FYN: variants seen among roughly 807,000 people sequenced by gnomAD.
FYN encodes the protein tyrosine-protein kinase Fyn.
A neutral mutation model predicts 70.2 loss-of-function variants in FYN; 10 were observed. That is an observed-to-expected ratio of 0.14 (90% CI 0.09 to 0.24). FYN has a LOEUF of 0.24. Ranked by LOEUF, FYN falls within the 10% of genes least tolerant of loss-of-function variation. The probability of loss-of-function intolerance (pLI) is 1.00; values close to 1 mark genes in which losing one functional copy is unlikely to be tolerated. For missense variants in FYN, 319 were observed against 673.1 expected (o/e 0.47, Z 5.82); for synonymous variants, 236 against 248.6 (o/e 0.95, Z 0.48).
chr6:111,869,068 CA>C (rs554308714), intron 1 of FYN, among the ~76,000 whole-genome samples: 1 of 151,674 alleles, frequency 6.6e-6, no homozygotes, highest in Admixed American at 6.6e-5. Context: ...GTATTCATGG[CA>C]AAAAAAAGTG....
At chr6:111,705,013 G>A (rs1044916392) in intron 6 of FYN, among the ~76,000 whole-genome samples, 5 of 152,126 alleles carry the variant, frequency 3.3e-5, no homozygotes, top group Admixed American at 1.3e-4. Context: ...AGTGAGCCAG[G>A]ATTGCGCCAC....
intron 1 of FYN, among the ~76,000 whole-genome samples, chr6:111,847,595 T>C (rs1281249064): frequency 1.3e-5 from 2 of 152,140 alleles, no homozygotes; most frequent in Admixed American, 1.3e-4. Context: ...TCTTAGTATC[T>C]TTCTTCCTGA....
intron 1 of FYN, chr6:111,858,492 T>C (rs1036195151): frequency 6.6e-6 from 1 of 152,162 alleles, no homozygotes; most frequent in African/African-American, 2.4e-5. Context: ...TAATGTACAA[T>C]ATATGCCAGG....
intron 1 of FYN, among the ~76,000 whole-genome samples, chr6:111,856,010 C>T (rs772558029): frequency 9.2e-5 from 14 of 152,092 alleles, no homozygotes; most frequent in African/African-American, 3.1e-4. Context: ...ATTTATATTC[C>T]GTACCAGAAT....
At chr6:111,834,453 T>G (rs1773115936) in intron 2 of FYN, among the ~76,000 whole-genome samples, 1 of 152,158 alleles carries the variant, frequency 6.6e-6, no homozygotes, top group Admixed American at 6.5e-5. Context: ...GCCTTGGGCT[T>G]GGACTCGTCT....
At chr6:111,745,241 G>A (rs112077941) in intron 3 of FYN, among the ~76,000 whole-genome samples, 151 of 152,304 alleles carry the variant, frequency 9.9e-4, no homozygotes, top group African/African-American at 3.4e-3. Flanking sequence ...CTCTTTCACT[G>A]AAGGGTGTCC....
chr6:111,670,897 TTTTAC>T (rs1798235037), intron 13 of FYN, among the ~76,000 whole-genome samples: 1 of 152,202 alleles, frequency 6.6e-6, no homozygotes, highest in Admixed American at 6.5e-5. Context: ...AGAAAACTGC[TTTTAC>T]TTAAGTCTTT....
rs1206390525 is a variant in FYN, at chr6:111,699,727, T to C, written c.862+377A>G. 18 of 1,520,386 alleles carry C rather than the reference T, an allele frequency of 1.2e-5. No homozygotes were observed. In the Admixed American group the frequency reaches 2.2e-4, roughly 19 times the overall value. The allele number at this position is 1,520,386 out of a possible 1,614,324, so 94.2% of individuals were successfully genotyped here. ...AGTCCTTATAATCCATAATTATGCATGCACTAGGAAAGATGGAAGGTGACT... is the reference window on the plus strand; with the variant it reads ...AGTCCTTATAATCCATAATTATGCACGCACTAGGAAAGATGGAAGGTGACT... On this transcript the variant is annotated intron_variant, in intron 9 of 13. Transcript: ENST00000354650.
chr6:111,781,710 G>A (rs1284793362), intron 2 of FYN, among the ~76,000 whole-genome samples: 1 of 152,128 alleles, frequency 6.6e-6, no homozygotes, highest in Non-Finnish European at 1.5e-5. Context: ...TTGTGCTATG[G>A]CAGTCTAAAG....
At chr6:111,850,418 G>A (rs1001006218) in intron 1 of FYN, among the ~76,000 whole-genome samples, 6 of 152,202 alleles carry the variant, frequency 3.9e-5, no homozygotes, top group Non-Finnish European at 8.8e-5. Context: ...GCTTCTTTCT[G>A]CACCAATGAT....
At chr6:111,846,046 AAG>A (rs1416875512) in intron 2 of FYN, among the ~76,000 whole-genome samples, 1 of 152,202 alleles carries the variant, frequency 6.6e-6, no homozygotes, top group Non-Finnish European at 1.5e-5. Context: ...CTTTTGTCTC[AAG>A]AGAGTCCAGC....
rs547153823 is a variant in FYN at position 111,783,485 on chromosome 6, C to G, written c.-81-2850G>C. On this transcript the variant is annotated intron_variant, in intron 2 of 13. Transcript: ENST00000354650. ...TGGTATTCATTACCAATAAAAATAG[C>G]TGAATGATAACAAAACGGGTGGCAT... Among the ~76,000 whole-genome samples, 3 of 152,312 alleles carry G rather than the reference C, an allele frequency of 2.0e-5. No homozygotes were observed. In the South Asian group the frequency reaches 6.2e-4, roughly 32 times the overall value.
chr6:111,809,180 T>A (rs1187642827), intron 2 of FYN, among the ~76,000 whole-genome samples: 1 of 152,220 alleles, frequency 6.6e-6, no homozygotes, highest in Admixed American at 6.5e-5. Context: ...TTTACCTCCA[T>A]CTTGGCAAAC....
intron 2 of FYN, among the ~76,000 whole-genome samples, chr6:111,830,878 C>A (rs1772994653): frequency 6.6e-6 from 1 of 151,738 alleles, no homozygotes; most frequent in Non-Finnish European, 1.5e-5. Context: ...ATGTCCTATG[C>A]AGAGAAGGTA....
At chr6:111,745,877 C>T (rs745697435) in intron 3 of FYN, among the ~76,000 whole-genome samples, 1 of 152,184 alleles carries the variant, frequency 6.6e-6, no homozygotes, top group Non-Finnish European at 1.5e-5. Flanking sequence ...CAAAAAAATG[C>T]CTTCAGTAAT....
intron 2 of FYN, among the ~76,000 whole-genome samples, chr6:111,795,528 A>G (rs899171114): frequency 6.6e-6 from 1 of 152,170 alleles, no homozygotes; most frequent in African/African-American, 2.4e-5. Context: ...TATTTTGTGG[A>G]GTTTTTGTTT....
intron 2 of FYN, among the ~76,000 whole-genome samples, chr6:111,808,610 A>G (rs1772227045): frequency 6.6e-6 from 1 of 152,228 alleles, no homozygotes; most frequent in Admixed American, 6.5e-5. Context: ...CGTTGTACAT[A>G]GAAGTCAATT....
chr6:111,714,248 T>C, intron 5 of FYN, 99 bp downstream of exon 5: 3 of 753,060 alleles, frequency 4.0e-6, no homozygotes, highest in Non-Finnish European at 4.6e-6. Context: ...GCAAATGTTC[T>C]TTTAGCATTT....
At chr6:111,765,438 C>T (rs1011561072) in intron 3 of FYN, among the ~76,000 whole-genome samples, 4 of 152,098 alleles carry the variant, frequency 2.6e-5, no homozygotes, top group South Asian at 2.1e-4. Context: ...ATCTGCAAGA[C>T]GAGGAGGGAG....
Sources: gnomAD v4.1 joint callset for allele counts (sites outside exome capture counted in the v4.1 genomes callset) on GRCh38, gnomAD v4.1.1 for gene constraint, MANE v1.5 for transcripts, NCBI Gene and HGNC (gene_info 2026-07-23, HGNC 2026-07-21) for gene names.